Variants in TMEM235 observed in about 807,000 individuals in gnomAD.
TMEM235 encodes the protein claudin-27.
In TMEM235, 23 loss-of-function variants were observed where a neutral mutation model predicts 22.9. The ratio of observed to expected loss-of-function variants is 1.00; its 90% CI spans 0.72 to 1.42. The LOEUF is 1.42. Ranked by LOEUF, TMEM235 falls within the 40% of genes most tolerant of loss-of-function variation. TMEM235 has a pLI of 0.00. For missense variants in TMEM235, 308 were observed against 299.5 expected, an observed-to-expected ratio of 1.03 and a Z score of -0.21; for synonymous variants, 137 against 140.5, an observed-to-expected ratio of 0.98 and a Z score of 0.17.
intron 4 of TMEM235, among the ~76,000 whole-genome samples, chr17:78,236,043 A>G (rs764060190): frequency 6.6e-6 from 1 of 152,040 alleles, no homozygotes; most frequent in Non-Finnish European, 1.5e-5. Context: ...CCCCTCCAAC[A>G]CTGGGGATTA....
At position 78,239,258 on chromosome 17, in the gene TMEM235, A is replaced by G; in HGVS notation, c.644A>G (p.Gln215Arg). ...CCAATCTGTGGTCATCTGAGTCCCC[A>G]GCAGGTGGGAGGGAGGTAAGAGGGG... The change falls in exon 5 of 6, where the codon CAG becomes CGG. Residue 215 changes from glutamine (Q) to arginine (R), a missense_variant. This residue lies in a region of TMEM235 where 285 missense variants were observed against 256.2 expected (regional missense o/e 1.11). Coordinates refer to ENST00000421688, the Ensembl canonical transcript of TMEM235. 2.6e-6 allele frequency: 4 copies of G among 1,540,986 alleles called. No homozygotes were observed. In the African/African-American group the frequency reaches 4.1e-5, roughly 16 times the overall value.
Position 78,237,668 on chromosome 17 carries a change from C to T in TMEM235, c.410-1356C>T, listed in dbSNP as rs529024687. ...GGCAGAGACAGGCAGAGACAGGCAC[C>T]TCCTGCCGCACGGTCAGCCCCCGCT... On this transcript the variant is annotated intron_variant, in intron 4 of 5. Transcript: ENST00000421688. This position sits in a 1 kb window ranked among gnomAD's most constrained non-coding sequence, Gnocchi z 4.7. Among the ~76,000 whole-genome samples the T allele has an allele frequency of 1.9e-4, 29 of 152,000 alleles. No homozygotes were observed. Among genetic ancestry groups the T allele is most frequent in the Non-Finnish European group, 3.5e-4 (24 of 67,980 alleles).
chr17:78,233,442 C>T (rs1424759363), intron 2 of TMEM235, among the ~76,000 whole-genome samples: 4 of 152,082 alleles, frequency 2.6e-5, no homozygotes, highest in African/African-American at 7.2e-5. Context: ...GCCCGGTGGC[C>T]CACGCCTGTA....
intron 3 of TMEM235, 71 bp downstream of exon 2, chr17:78,234,046 A>G (rs2076614884): frequency 2.3e-6 from 3 of 1,329,880 alleles, no homozygotes; most frequent in Non-Finnish European, 3.1e-6. Context: ...AGCCATCCCC[A>G]TCCCCATCCC....
chr17:78,234,750 G>A lies in TMEM235; in HGVS notation c.409+20G>A. The A allele has an allele frequency of 6.5e-7, 1 of 1,535,986 alleles. No individual in the cohort carries two copies. The highest frequency in any genetic ancestry group is 1.2e-5 in the South Asian group (1 of 84,056). On this transcript the variant is annotated intron_variant, in intron 4 of 5. Coordinates refer to ENST00000421688, the Ensembl canonical transcript of TMEM235. ...TGGGGAGTGAGTCTGGGGCCCTGGGGGAATGGCTCCAAAGATGGGAGCTGG... is the reference window on the plus strand; with the variant it reads ...TGGGGAGTGAGTCTGGGGCCCTGGGAGAATGGCTCCAAAGATGGGAGCTGG...
chr17:78,240,374 C>T (rs2081109133), exon 6 of TMEM235: 2 of 180,766 alleles, frequency 1.1e-5, no homozygotes, highest in Non-Finnish European at 2.4e-5. Flanking sequence ...CAGGGCAGAA[C>T]CCCAGGTTGG....
At position 78,232,041 on chromosome 17, in the gene TMEM235, GCTGCTCCTGGCCGCCGCCCTGGGTGCA is replaced by G. The variant is rs1322458121; in HGVS notation, c.25_51del (p.Leu9_Leu17del). On this transcript the variant is annotated inframe_deletion, in exon 2 of 6. Coordinates refer to ENST00000421688, the Ensembl canonical transcript of TMEM235. Reference sequence around the variant, plus strand: ...CCGCCCCCATGGCCCGGCTGGGCGCGCTGCTCCTGGCCGCCGCCCTGGGTGCACTGCTCAGCTTCGCGCTCCTGGCCG... The same window carrying G: ...CCGCCCCCATGGCCCGGCTGGGCGCGCTGCTCAGCTTCGCGCTCCTGGCCG... 123 of 1,291,938 alleles carry G rather than the reference GCTGCTCCTGGCCGCCGCCCTGGGTGCA, an allele frequency of 9.5e-5. 1 individual carries two copies. In the African/African-American group the frequency reaches 1.6e-3, roughly 17 times the overall value. 80.0% of individuals were successfully genotyped at this position (1,291,938 alleles called of 1,614,324 possible).
chr17:78,231,887 G>T, exon 2 of TMEM235: 2 of 1,101,822 alleles, frequency 1.8e-6, no homozygotes, highest in Non-Finnish European at 1.1e-6. Flanking sequence ...GCGCGGGCAG[G>T]AGCGGGGACG....
rs1415665830 is a variant in TMEM235 at position 78,231,457 on chromosome 17, C to T, written c.-567C>T. On this transcript the variant is annotated 5_prime_UTR_variant, in exon 2 of 6. Coordinates refer to ENST00000421688, the Ensembl canonical transcript of TMEM235. ...CCCCCCGCCCGGCTGTGGGGCCCAGCCACTGCACTTCACCGGATGCCGTCT... is the reference window on the plus strand; with the variant it reads ...CCCCCCGCCCGGCTGTGGGGCCCAGTCACTGCACTTCACCGGATGCCGTCT... 5 of 1,302,752 alleles carry T rather than the reference C, an allele frequency of 3.8e-6. No individual in the cohort carries two copies. The South Asian group carries it at 6.2e-5, about 16-fold the overall frequency. 80.7% of individuals were successfully genotyped at this position (1,302,752 alleles called of 1,614,324 possible).
At position 78,232,219 on chromosome 17, in the gene TMEM235, C is replaced by A; in HGVS notation, c.190+6C>A. 1 of 1,451,860 alleles carries A rather than the reference C, an allele frequency of 6.9e-7. No homozygotes were observed. The highest frequency in any genetic ancestry group is 9.0e-7 in the Non-Finnish European group (1 of 1,106,944). The allele number at this position is 1,451,860 out of a possible 1,614,324, so 89.9% of individuals were successfully genotyped here. ...GCTCTGGCGCATCTGCGAAGGTAACCGGCCACCGCGCCGGCCCTCCTCCCT... is the reference window on the plus strand; with the variant it reads ...GCTCTGGCGCATCTGCGAAGGTAACAGGCCACCGCGCCGGCCCTCCTCCCT... On this transcript the variant is annotated splice_donor_region_variant and intron_variant, in intron 2 of 5. Coordinates refer to ENST00000421688, the Ensembl canonical transcript of TMEM235.
intron 3 of TMEM235, 141 bp downstream of exon 2, chr17:78,234,116 C>T: frequency 1.3e-6 from 1 of 780,412 alleles, no homozygotes; most frequent in South Asian, 1.6e-5. Flanking sequence ...AGACCTGTCC[C>T]AGTGCTGTGC....
Position 78,238,240 on chromosome 17 carries a change from G to T in TMEM235, c.410-784G>T, listed in dbSNP as rs2145926002. ...CTAGCTCGTTGCTGGACCCTGAACT[G>T]CCGGATGAAGCCTGGTGCCCGCCAC... On this transcript the variant is annotated intron_variant, in intron 4 of 5. Coordinates refer to ENST00000421688, the Ensembl canonical transcript of TMEM235. The surrounding 1 kb of genome is among the most constrained non-coding windows in gnomAD (Gnocchi z 4.3). 6.6e-6 allele frequency among the ~76,000 whole-genome samples: 1 copy of T among 152,354 alleles called. No homozygotes were observed. The highest frequency in any genetic ancestry group is 2.1e-4 in the South Asian group (1 of 4,828).
rs750495355 is a variant in TMEM235 at position 78,238,585 on chromosome 17, T to TGTGTGA, written c.410-438_410-437insTGTGAG. On this transcript the variant is annotated intron_variant, in intron 4 of 5. Coordinates refer to ENST00000421688, the Ensembl canonical transcript of TMEM235. This position sits in a 1 kb window ranked among gnomAD's most constrained non-coding sequence, Gnocchi z 4.3. ...GTGTGTGTGTGTGTGTGTGTGTGTG[T>TGTGTGA]GAATGTGTGCAAATGTGTTCGTGTA... 8.3e-3 allele frequency among the ~76,000 whole-genome samples: 1,191 copies of TGTGTGA among 142,978 alleles called. 7 individuals carry two copies. Among genetic ancestry groups the TGTGTGA allele is most frequent in the Middle Eastern group, 0.015 (4 of 274 alleles). The allele number at this position is 142,978 out of a possible 152,430, so 93.8% of individuals were successfully genotyped here.
chr17:78,240,087 C>T (rs2076692615), exon 6 of TMEM235: 1 of 1,410,066 alleles, frequency 7.1e-7, no homozygotes, highest in South Asian at 1.4e-5. Flanking sequence ...TGTCCTGGCA[C>T]AGGCTGCTGC....
Position 78,231,436 on chromosome 17 carries a change from C to T in TMEM235, c.-588C>T, listed in dbSNP as rs566679882. ...CAAGGTTTTTTCCTTCCGCAGCCCC[C>T]CGCCCGGCTGTGGGGCCCAGCCACT... On this transcript the variant is annotated 5_prime_UTR_variant, in exon 2 of 6. Coordinates refer to ENST00000421688, the Ensembl canonical transcript of TMEM235. 2.6e-5 allele frequency: 34 copies of T among 1,298,376 alleles called. 2 individuals carry two copies. In the African/African-American group the frequency reaches 4.0e-4, roughly 15 times the overall value. The allele number at this position is 1,298,376 out of a possible 1,614,324, so 80.4% of individuals were successfully genotyped here.
intron 4 of TMEM235, among the ~76,000 whole-genome samples, chr17:78,235,259 CA>C (rs1454315444): frequency 6.6e-6 from 1 of 151,248 alleles, no homozygotes; most frequent in Non-Finnish European, 1.5e-5. Flanking sequence ...ATGGCTGGGA[CA>C]GGAGGAAGAG....
intron 2 of TMEM235, among the ~76,000 whole-genome samples, chr17:78,232,892 T>C (rs912181064): frequency 2.6e-5 from 4 of 152,152 alleles, no homozygotes; most frequent in Non-Finnish European, 5.9e-5. Context: ...TGGCTGTGTA[T>C]GTAAATATGA....
chr17:78,234,773 T>G, intron 4 of TMEM235, 43 bp downstream of exon 3: 1 of 1,534,920 alleles, frequency 6.5e-7, no homozygotes, highest in Non-Finnish European at 8.7e-7. Context: ...AGATGGGAGC[T>G]GGGCCACAGG....
intron 2 of TMEM235, among the ~76,000 whole-genome samples, chr17:78,232,629 GC>G (rs1295639031): frequency 6.6e-6 from 1 of 152,196 alleles, no homozygotes. Flanking sequence ...ACCTCCTGAT[GC>G]CGCGGGGGCA....
Sources: allele counts gnomAD v4.1 joint callset (sites outside exome capture counted in the v4.1 genomes callset), GRCh38; gene constraint gnomAD v4.1.1; regional missense constraint gnomAD v4.1.1; non-coding constraint Gnocchi (gnomAD v3.1); transcripts MANE v1.5; gene names NCBI Gene and HGNC (gene_info 2026-07-23, HGNC 2026-07-21).